The following PALLD variants were observed in gnomAD, a reference collection of about 807,000 sequenced individuals.
The protein encoded by PALLD is palladin.
A neutral mutation model predicts 123.5 loss-of-function variants in PALLD; 61 were observed. That is an observed-to-expected ratio of 0.49 (90% CI 0.40 to 0.61). The LOEUF (loss-of-function observed/expected upper bound fraction) is 0.61, where lower values mean the gene tolerates loss of function less well. Ranked by LOEUF, PALLD falls within the 20% of genes least tolerant of loss-of-function variation. The pLI, the probability that PALLD is intolerant of heterozygous loss-of-function variation, is 0.00. For synonymous variants in PALLD, 465 were observed against 496.4 expected (o/e 0.94, Z 0.84); for missense variants, 1,273 against 1,377.0 (o/e 0.92, Z 1.20).
chr4:168,774,044 C>G (rs1734810434), intron 10 of PALLD, among the ~76,000 whole-genome samples: 1 of 151,320 alleles, frequency 6.6e-6, no homozygotes, highest in Admixed American at 6.6e-5. Context: ...TGTGTCCCCT[C>G]CTCTCAAGCC....
intron 10 of PALLD, among the ~76,000 whole-genome samples, chr4:168,748,859 T>G (rs1009380113): frequency 6.6e-6 from 1 of 152,338 alleles, no homozygotes; most frequent in South Asian, 2.1e-4. Flanking sequence ...ATTTGCTGCT[T>G]CTTCAAGGCT....
intron 2 of PALLD, among the ~76,000 whole-genome samples, chr4:168,587,639 T>C (rs1460421837): frequency 6.6e-6 from 1 of 152,152 alleles, no homozygotes; most frequent in African/African-American, 2.4e-5. Flanking sequence ...GCTAAGGTTA[T>C]CCCTGGCCAG....
chr4:168,607,015 T>A (rs1237685641), intron 2 of PALLD, among the ~76,000 whole-genome samples: 1 of 152,108 alleles, frequency 6.6e-6, no homozygotes, highest in Non-Finnish European at 1.5e-5. Flanking sequence ...AAAGGTAAAA[T>A]CATATTTTGT....
chr4:168,623,011 A>T (rs1441856113), intron 2 of PALLD, among the ~76,000 whole-genome samples: 1 of 152,258 alleles, frequency 6.6e-6, no homozygotes, highest in African/African-American at 2.4e-5. Context: ...CCCACTATCA[A>T]GGTACTTATT....
intron 10 of PALLD, among the ~76,000 whole-genome samples, chr4:168,842,633 T>C (rs1746205734): frequency 1.3e-5 from 2 of 152,222 alleles, no homozygotes; most frequent in Admixed American, 6.5e-5. Context: ...CTACATTGCC[T>C]TGAGTCTTCT....
intron 8 of PALLD, among the ~76,000 whole-genome samples, chr4:168,706,022 T>C (rs1784194369): frequency 6.6e-6 from 1 of 152,190 alleles, no homozygotes; most frequent in African/African-American, 2.4e-5. Context: ...AAGAAACATA[T>C]AACATGAAAT....
chr4:168,621,651 C>T (rs1410796308), intron 2 of PALLD, among the ~76,000 whole-genome samples: 1 of 152,016 alleles, frequency 6.6e-6, no homozygotes, highest in African/African-American at 2.4e-5. Flanking sequence ...GTATGTAAGT[C>T]CCTCTCTCAA....
chr4:168,688,615 G>A (rs1210561248), intron 6 of PALLD, among the ~76,000 whole-genome samples: 3 of 152,298 alleles, frequency 2.0e-5, no homozygotes, highest in East Asian at 1.9e-4. Flanking sequence ...TTATGTTCCC[G>A]AAGGTTCTCC....
intron 2 of PALLD, among the ~76,000 whole-genome samples, chr4:168,612,486 A>C (rs1773834432): frequency 6.6e-6 from 1 of 152,178 alleles, no homozygotes; most frequent in African/African-American, 2.4e-5. Context: ...CCCTTGCTCC[A>C]ATCTGTCCAG....
chr4:168,518,486 C>A (rs898039501), intron 2 of PALLD, among the ~76,000 whole-genome samples: 2 of 152,156 alleles, frequency 1.3e-5, no homozygotes, highest in Non-Finnish European at 2.9e-5. Context: ...TCTTGCCACT[C>A]CCCCAGTCAC....
chr4:168,856,977 A>C (rs921951896), intron 10 of PALLD, among the ~76,000 whole-genome samples: 14 of 152,266 alleles, frequency 9.2e-5, no homozygotes, highest in Non-Finnish European at 1.8e-4. Context: ...CTGAGCACAA[A>C]GCACAAGGCA....
At chr4:168,738,827 C>G (rs1007207834) in intron 10 of PALLD, among the ~76,000 whole-genome samples, 1 of 151,548 alleles carries the variant, frequency 6.6e-6, no homozygotes, top group Non-Finnish European at 1.5e-5. Flanking sequence ...TAATACCTAG[C>G]ATATCAAAAA....
At chr4:168,886,514 A>T (rs539607685) in intron 10 of PALLD, among the ~76,000 whole-genome samples, 1 of 152,074 alleles carries the variant, frequency 6.6e-6, no homozygotes, top group Non-Finnish European at 1.5e-5. Context: ...AGTGGTATGC[A>T]CTTATGGTCC....
chr4:168,896,501 T>C (rs1164033368), intron 12 of PALLD, 48 bp from the exon 13 acceptor site: 2 of 1,082,186 alleles, frequency 1.8e-6, no homozygotes, highest in East Asian at 2.6e-5. Flanking sequence ...TGCTGCATTC[T>C]TATTATTTCT....
chr4:168,538,553 C>T (rs1356149941), intron 2 of PALLD, among the ~76,000 whole-genome samples: 3 of 151,994 alleles, frequency 2.0e-5, no homozygotes, highest in African/African-American at 7.2e-5. Context: ...CCTTATGATT[C>T]AGTTATTATA....
intron 8 of PALLD, 59 bp from the exon 9 acceptor site, chr4:168,708,966 ACTT>A: frequency 6.6e-7 from 1 of 1,522,094 alleles, no homozygotes; most frequent in Non-Finnish European, 9.1e-7. Flanking sequence ...GGAGGGTCTC[ACTT>A]CTTAAAAGTG....
intron 10 of PALLD, among the ~76,000 whole-genome samples, chr4:168,839,609 GA>G (rs1203524410): frequency 6.7e-6 from 1 of 149,654 alleles, no homozygotes; most frequent in Non-Finnish European, 1.5e-5. Flanking sequence ...AGGGGTAAGG[GA>G]CGGGGGTGCA....
At chr4:168,857,416 C>T (rs1748762450) in intron 10 of PALLD, among the ~76,000 whole-genome samples, 1 of 152,146 alleles carries the variant, frequency 6.6e-6, no homozygotes. Context: ...ACTTAATTTT[C>T]ATGAGAATAG....
chr4:168,689,998 A>G (rs1319615091), intron 6 of PALLD, among the ~76,000 whole-genome samples: 1 of 151,920 alleles, frequency 6.6e-6, no homozygotes, highest in Non-Finnish European at 1.5e-5. Context: ...CAAAGGCAGG[A>G]GCAAAGAAGG....
Sources: allele counts gnomAD v4.1 joint callset (sites outside exome capture counted in the v4.1 genomes callset), GRCh38; gene constraint gnomAD v4.1.1; transcripts MANE v1.5; gene names NCBI Gene and HGNC (gene_info 2026-07-23, HGNC 2026-07-21).